GSK3B: variants seen among roughly 807,000 people sequenced by gnomAD.
GSK3B encodes the protein glycogen synthase kinase 3 beta, also known as glycogen synthase kinase-3 beta.
GSK3B carries 15 observed loss-of-function variants against 56.4 expected under a neutral mutation model. The observed-to-expected ratio is 0.27, with a 90% CI of 0.18 to 0.41. The LOEUF (loss-of-function observed/expected upper bound fraction) is 0.41, where lower values mean the gene tolerates loss of function less well. Among genes scored for constraint, GSK3B ranks in the 10% least tolerant of loss-of-function variants. GSK3B has a pLI of 1.00. For synonymous variants in GSK3B, 181 were observed against 188.9 expected, an observed-to-expected ratio of 0.96 and a Z score of 0.34; for missense variants, 300 against 513.4, an observed-to-expected ratio of 0.58 and a Z score of 4.02.
intron 1 of GSK3B, among the ~76,000 whole-genome samples, chr3:120,070,525 G>T (rs528488909): frequency 6.6e-6 from 1 of 151,658 alleles, no homozygotes; most frequent in African/African-American, 2.4e-5. Flanking sequence ...CAGAGATGAG[G>T]CTAAAATGGT....
chr3:119,859,240 AATGT>A (rs1428649137), intron 9 of GSK3B, among the ~76,000 whole-genome samples: 1 of 152,132 alleles, frequency 6.6e-6, no homozygotes, highest in African/African-American at 2.4e-5. Context: ...TCAATAAAAC[AATGT>A]ATGTCCATAC....
intron 2 of GSK3B, among the ~76,000 whole-genome samples, chr3:119,978,971 ACAGACAC>A (rs533792264): frequency 6.6e-6 from 1 of 152,288 alleles, no homozygotes; most frequent in Admixed American, 6.5e-5. Context: ...TAGAACAAAA[ACAGACAC>A]CCTCGGCTTC....
chr3:120,084,363 T>C (rs1350598374), intron 1 of GSK3B, among the ~76,000 whole-genome samples: 3 of 152,090 alleles, frequency 2.0e-5, no homozygotes, highest in Non-Finnish European at 4.4e-5. Context: ...AAAAAGCATA[T>C]AATTAAAAAT....
rs937736515 is a variant in GSK3B, at chr3:120,058,431, C to A, written c.88+34916G>T. On this transcript the variant is annotated intron_variant, in intron 1 of 10. Coordinates refer to ENST00000264235, the MANE Select transcript of GSK3B (RefSeq NM_001146156.2). ...TAGCCAACTTTCAGGGGCTCAACAG[C>A]CACATGTCACTAGCGGTAATTAGTT... 1.3e-4 allele frequency among the ~76,000 whole-genome samples: 20 copies of A among 152,248 alleles called. 1 individual carries two copies. The highest frequency in any genetic ancestry group is 2.0e-4 in the Admixed American group (3 of 15,282).
intron 3 of GSK3B, among the ~76,000 whole-genome samples, chr3:119,934,997 C>G (rs960457587): frequency 6.6e-6 from 1 of 151,918 alleles, no homozygotes; most frequent in African/African-American, 2.4e-5. Context: ...CAGATGACAA[C>G]TGATATTCAA....
chr3:120,029,077 T>G, intron 1 of GSK3B: 1 of 767,788 alleles, frequency 1.3e-6, no homozygotes, highest in East Asian at 2.6e-5. Flanking sequence ...TGCATTTGGA[T>G]CAGCTACTAT....
intron 1 of GSK3B, among the ~76,000 whole-genome samples, chr3:120,019,420 GA>G (rs2107507465): frequency 1.3e-5 from 2 of 152,194 alleles, no homozygotes; most frequent in East Asian, 3.9e-4. Context: ...CCTCCATCAG[GA>G]ATCATTTGCA....
chr3:119,843,391 T>A (rs144655777), intron 9 of GSK3B, 38 bp from the exon 10 acceptor site: 296 of 1,153,302 alleles, frequency 2.6e-4, no homozygotes, highest in Non-Finnish European at 3.7e-4. Flanking sequence ...GAGTCCACTC[T>A]TAACTTTGTA....
At chr3:119,919,532 G>GAAA (rs1191428996) in intron 4 of GSK3B, among the ~76,000 whole-genome samples, 1 of 97,364 alleles carries the variant, frequency 1.0e-5, no homozygotes, top group African/African-American at 3.8e-5. Flanking sequence ...AAAAAAAAAA[G>GAAA]AAAAAAAAAA....
intron 2 of GSK3B, among the ~76,000 whole-genome samples, chr3:119,980,777 T>A (rs1161845123): frequency 6.6e-6 from 1 of 152,190 alleles, no homozygotes; most frequent in Non-Finnish European, 1.5e-5. Context: ...TCCACAAACA[T>A]GAAGGAAGTT....
intron 6 of GSK3B, among the ~76,000 whole-genome samples, chr3:119,912,395 G>C (rs1010539363): frequency 6.6e-6 from 1 of 151,878 alleles, no homozygotes; most frequent in South Asian, 2.1e-4. Flanking sequence ...TTACCAAAAT[G>C]TGACACAAAG....
intron 1 of GSK3B, among the ~76,000 whole-genome samples, chr3:120,071,671 C>A (rs1163921942): frequency 6.6e-6 from 1 of 152,096 alleles, no homozygotes; most frequent in Non-Finnish European, 1.5e-5. Context: ...AAGCTCAGGG[C>A]TCCTACTGAT....
At chr3:119,966,361 T>A (rs1406629154) in intron 2 of GSK3B, among the ~76,000 whole-genome samples, 1 of 152,234 alleles carries the variant, frequency 6.6e-6, no homozygotes, top group East Asian at 1.9e-4. Flanking sequence ...AGAAGCTATT[T>A]ATGTGAGCAC....
chr3:119,970,294 G>C (rs781536312), intron 2 of GSK3B, among the ~76,000 whole-genome samples: 22 of 152,094 alleles, frequency 1.4e-4, no homozygotes, highest in Admixed American at 3.9e-4. Context: ...GATTTGAAGA[G>C]AAACTTCACC....
intron 2 of GSK3B, among the ~76,000 whole-genome samples, chr3:119,992,300 GA>G: frequency 6.6e-6 from 1 of 152,182 alleles, no homozygotes; most frequent in East Asian, 1.9e-4. Context: ...GGAAAGTCCA[GA>G]AATAGAGCCA....
Position 119,826,489 on chromosome 3 carries a change from T to C in GSK3B, c.*299A>G. ...TTTAAAGTATACAACAGCAGACTTT[T>C]AATAAAAAAAGATTGTCGTGGGAGA... is the stretch of plus-strand genomic sequence containing the variant. On this transcript the variant is annotated 3_prime_UTR_variant, in exon 11 of 11. Transcript: ENST00000264235. The C allele has an allele frequency of 1.9e-6, 1 of 516,396 alleles. No individual in the cohort carries two copies. 32.0% of individuals were successfully genotyped at this position (516,396 alleles called of 1,614,324 possible).
At chr3:120,051,160 T>G (rs1458728326) in intron 1 of GSK3B, among the ~76,000 whole-genome samples, 1 of 146,530 alleles carries the variant, frequency 6.8e-6, no homozygotes, top group African/African-American at 2.6e-5. Flanking sequence ...GAGAAAAAAA[T>G]CAGTGGGCAA....
In GSK3B at chr3:119,959,377, T is replaced by C. The variant is rs533555416; in HGVS notation, c.283-12026A>G. Among the ~76,000 whole-genome samples, 6 of 152,280 alleles carry C rather than the reference T, an allele frequency of 3.9e-5. No individual in the cohort carries two copies. The South Asian group carries it at 6.2e-4, about 16-fold the overall frequency. On this transcript the variant is annotated intron_variant, in intron 2 of 10. Coordinates refer to ENST00000264235, the MANE Select transcript of GSK3B (RefSeq NM_001146156.2). ...TAATATACATCAACTTGACATGTTA[T>C]AAGTAAAATTTTTCATCTCCTTTAA...
chr3:119,871,336 A>C (rs1247498218), intron 8 of GSK3B, among the ~76,000 whole-genome samples: 4 of 152,238 alleles, frequency 2.6e-5, no homozygotes, highest in Non-Finnish European at 5.9e-5. Flanking sequence ...AATTTTTGTG[A>C]ATAATGCTTT....
Sources: allele counts gnomAD v4.1 joint callset (sites outside exome capture counted in the v4.1 genomes callset), GRCh38; gene constraint gnomAD v4.1.1; transcripts MANE v1.5; gene names NCBI Gene and HGNC (gene_info 2026-07-23, HGNC 2026-07-21).